Variants in AKAP13 observed in about 807,000 individuals in gnomAD.
AKAP13 encodes A-kinase anchoring protein 13, also known as A-kinase anchor protein 13.
Under a neutral mutation model 264.5 loss-of-function variants are expected in AKAP13, and 80 were observed. The observed-to-expected ratio is 0.30, with a 90% CI of 0.25 to 0.36. The LOEUF (loss-of-function observed/expected upper bound fraction) is 0.36. Ranked by LOEUF, AKAP13 falls within the 10% of genes least tolerant of loss-of-function variation. AKAP13 has a pLI of 1.00. For synonymous variants in AKAP13, 1,380 were observed against 1,250.2 expected (o/e 1.10, Z -2.19); for missense variants, 3,712 against 3,435.2 (o/e 1.08, Z -2.01).
intron 1 of AKAP13, among the ~76,000 whole-genome samples, chr15:85,478,853 C>T (rs1531854): frequency 0.26 from 37,212 of 142,836 alleles, 6,025 homozygotes; most frequent in Middle Eastern, 0.41. Flanking sequence ...CATCATTTCC[C>T]GAAGTGTGGG....
chr15:85,432,365 C>G (rs2073062656), intron 1 of AKAP13, among the ~76,000 whole-genome samples: 1 of 150,376 alleles, frequency 6.6e-6, no homozygotes, highest in South Asian at 2.1e-4. Flanking sequence ...CTCTGCAAAT[C>G]TTAAAAAAAA....
intron 12 of AKAP13, among the ~76,000 whole-genome samples, chr15:85,661,344 A>G (rs1567180718): frequency 6.6e-6 from 1 of 152,158 alleles, no homozygotes; most frequent in Non-Finnish European, 1.5e-5. Context: ...GATTTTTTTT[A>G]TCTTGTAGGA....
At chr15:85,735,970 C>A in intron 32 of AKAP13, 120 bp from the exon 33 acceptor site, 1 of 859,104 alleles carries the variant, frequency 1.2e-6, no homozygotes, top group Non-Finnish European at 1.9e-6. Flanking sequence ...TAAACCTTCA[C>A]TACCTTAGTG....
chr15:85,442,697 C>A (rs541517187), intron 1 of AKAP13, among the ~76,000 whole-genome samples: 1 of 151,042 alleles, frequency 6.6e-6, no homozygotes, highest in Non-Finnish European at 1.5e-5. Flanking sequence ...AACTTTCTTC[C>A]CCTATCATTG....
chr15:85,454,358 T>G (rs1166165314), intron 1 of AKAP13, among the ~76,000 whole-genome samples: 1 of 152,068 alleles, frequency 6.6e-6, no homozygotes, highest in Non-Finnish European at 1.5e-5. Flanking sequence ...TTTGCAAAGG[T>G]CTGTGGGAGA....
rs545434097 is a variant in AKAP13 at position 85,688,176 on chromosome 15, T to TA, written c.5289+3308dup. 6.2e-3 allele frequency among the ~76,000 whole-genome samples: 946 copies of TA among 152,294 alleles called. 10 individuals carry two copies. The highest frequency in any genetic ancestry group is 0.021 in the African/African-American group (889 of 41,574). On this transcript the variant is annotated intron_variant, in intron 16 of 36. Transcript: ENST00000394518. Reference sequence around the variant, plus strand: ...GTACTGTATTTTCTAAATGGTAACATAAAAATTAATGAATATTAAATTTTC... The same window carrying TA: ...GTACTGTATTTTCTAAATGGTAACATAAAAAATTAATGAATATTAAATTTTC...
At chr15:85,498,637 G>A (rs2075957827) in intron 2 of AKAP13, among the ~76,000 whole-genome samples, 1 of 151,716 alleles carries the variant, frequency 6.6e-6, no homozygotes, top group African/African-American at 2.4e-5. Flanking sequence ...GGTTGTCTTT[G>A]GCACTGAACT....
chr15:85,510,433 A>C, intron 2 of AKAP13, among the ~76,000 whole-genome samples: 1 of 152,344 alleles, frequency 6.6e-6, no homozygotes. Context: ...TTTTATTGCT[A>C]GTATACAATT....
At chr15:85,507,523 A>G (rs560463903) in intron 2 of AKAP13, among the ~76,000 whole-genome samples, 29 of 152,352 alleles carry the variant, frequency 1.9e-4, no homozygotes, top group Admixed American at 2.6e-4. Flanking sequence ...TAAAAAGGAA[A>G]CATTTGGTGT....
At position 85,579,812 on chromosome 15, in the gene AKAP13, G is replaced by C. The variant is rs140849986; in HGVS notation, c.1744G>C (p.Val582Leu). 2.9e-5 allele frequency: 47 copies of C among 1,614,092 alleles called. No individual in the cohort carries two copies. Among genetic ancestry groups the C allele is most frequent in the Middle Eastern group, 1.6e-4 (1 of 6,084 alleles). Reference sequence around the variant, plus strand: ...TCGTGAGGAGAGTGCTGATGCTCCAGTAGATCAGAATTCTGTGGTGATTCC... The same window carrying C: ...TCGTGAGGAGAGTGCTGATGCTCCACTAGATCAGAATTCTGTGGTGATTCC... ...RSREESADAP[V>L]DQNSVVIPAA... The change falls in exon 7 of 37, where the codon GTA becomes CTA. Residue 582 changes from valine to leucine, a missense_variant. By Grantham distance (32) the Val-to-Leu change is conservative. This residue lies in a region of AKAP13 where 2,759 missense variants were observed against 2,411.7 expected (regional missense o/e 1.14). Transcript: ENST00000394518.
At position 85,582,776 on chromosome 15, in the gene AKAP13, A is replaced by G. The variant is rs367935259; in HGVS notation, c.4039+669A>G. The G allele has an allele frequency of 1.0e-5, 7 of 685,002 alleles. No homozygotes were observed. In the African/African-American group the frequency reaches 1.4e-4, roughly 13 times the overall value. The allele number at this position is 685,002 out of a possible 1,614,324, so 42.4% of individuals were successfully genotyped here. ...CCTGTTGCTTTTGGGCAGCAGTCTGAGAATTCAAGACCCTGCACAGTGCAG... is the reference window on the plus strand; with the variant it reads ...CCTGTTGCTTTTGGGCAGCAGTCTGGGAATTCAAGACCCTGCACAGTGCAG... On this transcript the variant is annotated intron_variant, in intron 7 of 36. Transcript: ENST00000394518.
Position 85,628,294 on chromosome 15 carries a change from TA to T in AKAP13, c.4162-11078del, listed in dbSNP as rs1219436379. On this transcript the variant is annotated intron_variant, in intron 8 of 36. Transcript: ENST00000394518. ...CACCTTCTTGTCTATTGCTGTACCT[TA>T]ACCTGGTTTCTTGCCTAAAGTGAGC... is the stretch of plus-strand genomic sequence containing the variant. Among the ~76,000 whole-genome samples, 3 of 152,188 alleles carry T rather than the reference TA, an allele frequency of 2.0e-5. No homozygotes were observed. The East Asian group carries it at 5.8e-4, about 29-fold the overall frequency.
intron 8 of AKAP13, among the ~76,000 whole-genome samples, chr15:85,616,124 AC>A (rs142021365): frequency 0.017 from 2,578 of 152,124 alleles, 76 homozygotes; most frequent in African/African-American, 0.059. Context: ...GATGAGCCCT[AC>A]CCCTATCCCC....
chr15:85,423,139 G>T (rs2072600653), intron 1 of AKAP13, among the ~76,000 whole-genome samples: 1 of 152,174 alleles, frequency 6.6e-6, no homozygotes. Context: ...GATGTGGATG[G>T]CTGCTAACTG....
intron 33 of AKAP13, 113 bp from the exon 34 acceptor site, chr15:85,740,109 T>C: frequency 3.8e-6 from 4 of 1,056,912 alleles, no homozygotes; most frequent in Non-Finnish European, 5.6e-6. Context: ...CATAAAGATA[T>C]AAGCATTTAG....
At chr15:85,520,483 A>C (rs1269417104) in intron 2 of AKAP13, among the ~76,000 whole-genome samples, 1 of 131,758 alleles carries the variant, frequency 7.6e-6, no homozygotes, top group Non-Finnish European at 1.6e-5. Flanking sequence ...GGGCAACAAG[A>C]GGGAAACTCC....
intron 1 of AKAP13, among the ~76,000 whole-genome samples, chr15:85,463,279 A>C (rs1472499351): frequency 1.3e-5 from 2 of 152,328 alleles, no homozygotes; most frequent in East Asian, 3.9e-4. Flanking sequence ...TTGAACAAAC[A>C]AGGGATGAAC....
intron 8 of AKAP13, among the ~76,000 whole-genome samples, chr15:85,603,646 C>A (rs1265114766): frequency 6.6e-6 from 1 of 152,198 alleles, no homozygotes; most frequent in African/African-American, 2.4e-5. Context: ...CTTTTTCACC[C>A]CACAGTCCAG....
Position 85,643,860 on chromosome 15 carries a change from G to A in AKAP13, c.4238-1958G>A, listed in dbSNP as rs1004811735. ...TTGACTGTCGTGACCCCATTACTAC[G>A]TACACATTTTTGTTTATCAGTGTTC... On this transcript the variant is annotated intron_variant, in intron 9 of 36. Coordinates refer to ENST00000394518, the MANE Select transcript of AKAP13 (RefSeq NM_007200.5). 3.3e-5 allele frequency among the ~76,000 whole-genome samples: 5 copies of A among 152,052 alleles called. No homozygotes were observed. In the South Asian group the frequency reaches 6.2e-4, roughly 19 times the overall value.
Sources: allele counts gnomAD v4.1 joint callset (sites outside exome capture counted in the v4.1 genomes callset), GRCh38; gene constraint gnomAD v4.1.1; regional missense constraint gnomAD v4.1.1; transcripts MANE v1.5; gene names NCBI Gene and HGNC (gene_info 2026-07-23, HGNC 2026-07-21).